The following RELL1 variants were observed in gnomAD, a reference collection of about 807,000 sequenced individuals.
The protein encoded by RELL1 is RELT like 1, also known as RELT-like protein 1.
A neutral mutation model predicts 23.0 loss-of-function variants in RELL1; 10 were observed. The ratio of observed to expected loss-of-function variants is 0.43; its 90% confidence interval spans 0.27 to 0.74. The LOEUF (loss-of-function observed/expected upper bound fraction) is 0.74. RELL1 is among the 30% of genes least tolerant of loss of function. The probability of loss-of-function intolerance (pLI) is 0.19; values close to 1 mark genes in which losing one functional copy is unlikely to be tolerated. For missense variants in RELL1, 315 were observed against 364.4 expected (o/e 0.86, Z 1.10); for synonymous variants, 146 against 146.8 (o/e 0.99, Z 0.04).
At chr4:37,636,815 G>T (rs1485620851) in intron 4 of RELL1, among the ~76,000 whole-genome samples, 1 of 152,078 alleles carries the variant, frequency 6.6e-6, no homozygotes, top group Non-Finnish European at 1.5e-5. Flanking sequence ...CACACAGGAG[G>T]CTGTGATGGC....
chr4:37,669,037 C>T (rs1483028761), intron 1 of RELL1, among the ~76,000 whole-genome samples: 3 of 137,032 alleles, frequency 2.2e-5, no homozygotes, highest in Admixed American at 7.0e-5. Context: ...GGCCAGCCGC[C>T]CCGTCCGGGA....
downstream of RELL1, among the ~76,000 whole-genome samples, chr4:37,606,903 A>G (rs554458396): frequency 2.4e-4 from 37 of 152,350 alleles, no homozygotes; most frequent in East Asian, 6.8e-3. This position sits in a 1 kb window ranked among gnomAD's most constrained non-coding sequence, Gnocchi z 4.1. Flanking sequence ...AACTTTACCA[A>G]AATGAAACCT....
chr4:37,590,868 C>T, exon 7 of RELL1: 1 of 1,614,220 alleles, frequency 6.2e-7, no homozygotes, highest in Non-Finnish European at 8.5e-7. Flanking sequence ...ACTCAGGAAA[C>T]AGGCAGGAGG....
At chr4:37,670,575 CT>C (rs760432733) in intron 1 of RELL1, among the ~76,000 whole-genome samples, 223 of 144,826 alleles carry the variant, frequency 1.5e-3, no homozygotes, top group Admixed American at 1.6e-3. Context: ...CCCACTAAAT[CT>C]TTTTTTTTTT....
chr4:37,665,333 C>T (rs184556087), intron 1 of RELL1: 2 of 455,974 alleles, frequency 4.4e-6, no homozygotes, highest in South Asian at 1.5e-5. Context: ...TGTAAATATA[C>T]CAGCATGCTC....
At chr4:37,660,610 C>T (rs1468307031) in intron 1 of RELL1, among the ~76,000 whole-genome samples, 1 of 152,194 alleles carries the variant, frequency 6.6e-6, no homozygotes, top group African/African-American at 2.4e-5. Context: ...TTTTGGTCAG[C>T]ACAAAGCTCG....
At chr4:37,610,177 G>T (rs1464969916), downstream of RELL1, among the ~76,000 whole-genome samples, 1 of 152,116 alleles carries the variant, frequency 6.6e-6, no homozygotes, top group Non-Finnish European at 1.5e-5. This position sits in a 1 kb window ranked among gnomAD's most constrained non-coding sequence, Gnocchi z 4.1. Flanking sequence ...CTTCAACATT[G>T]AGGCAAGATC....
At chr4:37,655,765 G>A (rs1721094936) in intron 1 of RELL1, among the ~76,000 whole-genome samples, 1 of 152,212 alleles carries the variant, frequency 6.6e-6, no homozygotes. Context: ...TAGGCATTGA[G>A]CAACTGGATC....
intron 1 of RELL1, among the ~76,000 whole-genome samples, chr4:37,657,200 AG>A: frequency 6.6e-6 from 1 of 152,370 alleles, no homozygotes; most frequent in East Asian, 1.9e-4. Context: ...GGAAATAAAC[AG>A]GCAAAAATAA....
At chr4:37,601,949 CAT>C (rs1349894141) in intron 6 of RELL1, among the ~76,000 whole-genome samples, 1 of 152,080 alleles carries the variant, frequency 6.6e-6, no homozygotes, top group Admixed American at 6.6e-5. Context: ...CACAGTGGCT[CAT>C]GCCTGTAGTT....
chr4:37,651,707 G>A (rs547250882), intron 1 of RELL1, among the ~76,000 whole-genome samples: 3 of 152,162 alleles, frequency 2.0e-5, no homozygotes, highest in African/African-American at 4.8e-5. Context: ...TGTTTGGTGC[G>A]CTTTCCTCAC....
At chr4:37,589,586 C>T (rs1451488828), downstream of RELL1, among the ~76,000 whole-genome samples, 2 of 152,060 alleles carry the variant, frequency 1.3e-5, no homozygotes, top group Non-Finnish European at 2.9e-5. Context: ...TCACCCCTTA[C>T]CCCTCCTTCC....
downstream of RELL1, among the ~76,000 whole-genome samples, chr4:37,607,805 G>A (rs961637265): frequency 6.6e-6 from 1 of 152,110 alleles, no homozygotes; most frequent in Admixed American, 6.5e-5. Context: ...GGCCAGGATG[G>A]TCTCGGTCTC....
At chr4:37,648,978 A>C (rs1720799900) in intron 2 of RELL1, among the ~76,000 whole-genome samples, 1 of 152,268 alleles carries the variant, frequency 6.6e-6, no homozygotes, top group South Asian at 2.1e-4. Flanking sequence ...CAAATGAATA[A>C]GATTAAATTA....
intron 4 of RELL1, among the ~76,000 whole-genome samples, chr4:37,636,698 A>G (rs901576878): frequency 1.3e-5 from 2 of 152,098 alleles, no homozygotes; most frequent in African/African-American, 2.4e-5. Context: ...ATTCTAACCT[A>G]ACAGAGCCAA....
chr4:37,646,253 C>T (rs1455915720), intron 3 of RELL1, among the ~76,000 whole-genome samples: 1 of 152,178 alleles, frequency 6.6e-6, no homozygotes, highest in East Asian at 1.9e-4. Flanking sequence ...AGAACAATAA[C>T]CGTAAAGTTT....
chr4:37,636,776 C>T (rs957100101), intron 4 of RELL1, among the ~76,000 whole-genome samples: 1 of 152,092 alleles, frequency 6.6e-6, no homozygotes, highest in East Asian at 1.9e-4. Context: ...CACAGCCTGA[C>T]ACCTGGACTG....
intron 6 of RELL1, among the ~76,000 whole-genome samples, chr4:37,595,477 T>C (rs750622355): frequency 5.9e-5 from 9 of 151,916 alleles, no homozygotes; most frequent in Non-Finnish European, 1.2e-4. Context: ...TATTTGTTGA[T>C]TGAAAGAATA....
At chr4:37,661,372 C>T (rs1206464434) in intron 1 of RELL1, among the ~76,000 whole-genome samples, 2 of 152,136 alleles carry the variant, frequency 1.3e-5, no homozygotes, top group African/African-American at 4.8e-5. Flanking sequence ...CTCTGCCTCC[C>T]AGGTTGAAGC....
Sources: allele counts gnomAD v4.1 joint callset (sites outside exome capture counted in the v4.1 genomes callset), GRCh38; gene constraint gnomAD v4.1.1; non-coding constraint Gnocchi (gnomAD v3.1); transcripts MANE v1.5; gene names NCBI Gene and HGNC (gene_info 2026-07-23, HGNC 2026-07-21).